PCDHGB1: variants seen among roughly 807,000 people sequenced by gnomAD.
The protein encoded by PCDHGB1 is protocadherin gamma-B1.
Under a neutral mutation model 56.6 loss-of-function variants are expected in PCDHGB1, and 34 were observed. The ratio of observed to expected loss-of-function variants is 0.60; its 90% CI spans 0.46 to 0.80. PCDHGB1 has a LOEUF of 0.80. PCDHGB1 is among the 30% of genes least tolerant of loss of function. PCDHGB1 has a pLI of 0.00. For missense variants in PCDHGB1, 1,278 were observed against 1,204.6 expected (o/e 1.06, Z -0.90); for synonymous variants, 561 against 505.9 (o/e 1.11, Z -1.46).
chr5:141,450,899 A>C (rs1045595271), intron 1 of PCDHGB1, among the ~76,000 whole-genome samples: 1 of 149,514 alleles, frequency 6.7e-6, no homozygotes, highest in Non-Finnish European at 1.5e-5. Context: ...ATATCGGCTC[A>C]CTGCAACCGC....
rs1212478322 is a variant in PCDHGB1 at position 141,485,871 on chromosome 5, T to G, written c.2410-8936T>G. ...ACCGCAGAGCTCCGGGTATCCGTGC[T>G]GGACGTAAACGACAACGCCCCAGCC... On this transcript the variant is annotated intron_variant, in intron 1 of 3. Coordinates refer to ENST00000523390, the MANE Select transcript of PCDHGB1 (RefSeq NM_018922.3). The surrounding 1 kb of genome is among the most constrained non-coding windows in gnomAD (Gnocchi z 5.7). 6.2e-7 allele frequency: 1 copy of G among 1,614,196 alleles called. No homozygotes were observed. The highest frequency in any genetic ancestry group is 8.5e-7 in the Non-Finnish European group (1 of 1,180,032).
At chr5:141,389,387 C>T in intron 1 of PCDHGB1, 1 of 1,613,724 alleles carries the variant, frequency 6.2e-7, no homozygotes, top group Non-Finnish European at 8.5e-7. Context: ...AGCTGTCATC[C>T]TACGTGTCCA....
At chr5:141,408,104 C>A (rs546603908) in intron 1 of PCDHGB1, 5 of 1,441,798 alleles carry the variant, frequency 3.5e-6, no homozygotes, top group Non-Finnish European at 2.7e-6. Flanking sequence ...CTCCGAGACC[C>A]GGGACTCCTC....
chr5:141,371,458 A>G, intron 1 of PCDHGB1: 2 of 1,613,996 alleles, frequency 1.2e-6, no homozygotes. Flanking sequence ...GAATCCCAAC[A>G]TATACAAGAA....
intron 1 of PCDHGB1, chr5:141,478,480 G>C (rs1444434721): frequency 1.9e-6 from 3 of 1,613,564 alleles, no homozygotes; most frequent in South Asian, 2.2e-5. Flanking sequence ...GCCAGAACAC[G>C]CTGCGGAGCT....
intron 1 of PCDHGB1, among the ~76,000 whole-genome samples, chr5:141,488,115 G>A (rs936010936): frequency 1.4e-4 from 21 of 152,298 alleles, no homozygotes; most frequent in Middle Eastern, 3.4e-3. Flanking sequence ...TTGAAACATA[G>A]AGACAGCAGA....
intron 1 of PCDHGB1, chr5:141,409,528 C>T (rs1488294674): frequency 3.1e-6 from 5 of 1,613,882 alleles, no homozygotes; most frequent in Non-Finnish European, 4.2e-6. Context: ...CCTTGTATGT[C>T]GCTGACATCA....
chr5:141,371,897 G>A, intron 1 of PCDHGB1: 1 of 1,613,408 alleles, frequency 6.2e-7, no homozygotes, highest in Non-Finnish European at 8.5e-7. Flanking sequence ...CGCGGGAGCT[G>A]TCGTCCTACG....
Position 141,490,958 on chromosome 5 carries a change from A to T in PCDHGB1, c.2410-3849A>T, listed in dbSNP as rs771797392. 4.6e-5 allele frequency: 74 copies of T among 1,613,610 alleles called. No individual in the cohort carries two copies. The highest frequency in any genetic ancestry group is 1.6e-4 in the Middle Eastern group (1 of 6,084). ...CTGCACCCACGGCCAGACTGGGAAC[A>T]CTCAGCCCCCCAGCGTCTCCCTCGC... On this transcript the variant is annotated intron_variant, in intron 1 of 3. Coordinates refer to ENST00000523390, the MANE Select transcript of PCDHGB1 (RefSeq NM_018922.3). This position sits in a 1 kb window ranked among gnomAD's most constrained non-coding sequence, Gnocchi z 5.4.
rs950537869 is a variant in PCDHGB1, at chr5:141,432,150, A to G, written c.2410-62657A>G. 6.2e-7 allele frequency: 1 copy of G among 1,614,010 alleles called. No homozygotes were observed. On this transcript the variant is annotated intron_variant, in intron 1 of 3. Coordinates refer to ENST00000523390, the MANE Select transcript of PCDHGB1 (RefSeq NM_018922.3). The surrounding 1 kb of genome is among the most constrained non-coding windows in gnomAD (Gnocchi z 6.0). ...TCCTATTCCGCTTATATCCCAGAGA[A>G]CAATCCCAGAGGAGTTTCCCTCGTC...
chr5:141,367,096 G>A (rs1364732092), intron 1 of PCDHGB1: 1 of 251,526 alleles, frequency 4.0e-6, no homozygotes, highest in East Asian at 1.1e-4. Flanking sequence ...TCTCTTTTGA[G>A]TGTCTGCCTA....
rs574950493 is a variant in PCDHGB1 at position 141,375,596 on chromosome 5, G to A, written c.2409+22927G>A. 12 of 1,613,990 alleles carry A rather than the reference G, an allele frequency of 7.4e-6. No individual in the cohort carries two copies. The Admixed American group carries it at 1.2e-4, about 16-fold the overall frequency. On this transcript the variant is annotated intron_variant, in intron 1 of 3. Coordinates refer to ENST00000523390, the MANE Select transcript of PCDHGB1 (RefSeq NM_018922.3). ...CCAGGGGGCGCCCCTGTCCTCCTAC[G>A]TGTCCATCAACTCCGACACTGGGAT...
At position 141,487,688 on chromosome 5, in the gene PCDHGB1, G is replaced by A. The variant is rs376927186; in HGVS notation, c.2410-7119G>A. On this transcript the variant is annotated intron_variant, in intron 1 of 3. Coordinates refer to ENST00000523390, the MANE Select transcript of PCDHGB1 (RefSeq NM_018922.3). The surrounding 1 kb of genome is among the most constrained non-coding windows in gnomAD (Gnocchi z 5.0). ...AGGCATATGGCTAGGCCATGTCCTA[G>A]AGAGTACTGGCCTCTCAGTAAGTGC... 6.2e-7 allele frequency: 1 copy of A among 1,604,966 alleles called. No homozygotes were observed.
At chr5:141,505,302 G>A (rs1733345360) in intron 2 of PCDHGB1, 91 bp from the exon 3 acceptor site, 1 of 1,592,596 alleles carries the variant, frequency 6.3e-7, no homozygotes, top group Admixed American at 1.7e-5. Flanking sequence ...TAGGGTTAGG[G>A]TACTAGGTTT....
chr5:141,511,003 G>T lies in PCDHGB1; in HGVS notation c.2614G>T (p.Ala872Ser), dbSNP rs114669158. ...GGGAGTMGLS[A>S]RYGPQFTLQH... The stretch of plus-strand genomic sequence containing the variant: ...GGGTGCCGGCACCATGGGATTGAGC[G>T]CCCGCTACGGACCCCAGTTCACCCT... Residue 872 changes from alanine to serine, a missense_variant, in exon 4 of 4, where the codon GCC (alanine) becomes TCC (serine). Coordinates refer to ENST00000523390, the MANE Select transcript of PCDHGB1 (RefSeq NM_018922.3). 2 of 1,614,032 alleles carry T rather than the reference G, an allele frequency of 1.2e-6. No individual in the cohort carries two copies. Among genetic ancestry groups the T allele is most frequent in the Non-Finnish European group, 1.7e-6 (2 of 1,180,020 alleles).
At position 141,406,249 on chromosome 5, in the gene PCDHGB1, G is replaced by A. The variant is rs73279090; in HGVS notation, c.2409+53580G>A. Among the ~76,000 whole-genome samples, 1,262 of 152,022 alleles carry A rather than the reference G, an allele frequency of 8.3e-3. 17 individuals are homozygous for A. The highest frequency in any genetic ancestry group is 0.029 in the African/African-American group (1,198 of 41,452). On this transcript the variant is annotated intron_variant, in intron 1 of 3. Coordinates refer to ENST00000523390, the MANE Select transcript of PCDHGB1 (RefSeq NM_018922.3). ...CTAGCAAGCTATGTTGCCCAGACTG[G>A]TCTCAAACGATCTTCCTGCTTCAGT...
At chr5:141,371,684 A>T (rs756152313) in intron 1 of PCDHGB1, 3 of 1,614,050 alleles carry the variant, frequency 1.9e-6, no homozygotes, top group Non-Finnish European at 1.7e-6. Flanking sequence ...AAGGCAATCC[A>T]CCGCTCTCCT....
At chr5:141,389,655 G>A in intron 1 of PCDHGB1, 1 of 1,612,562 alleles carries the variant, frequency 6.2e-7, no homozygotes, top group South Asian at 1.1e-5. Flanking sequence ...CAAGGTAGTG[G>A]CGGTGGACGC....
intron 1 of PCDHGB1, chr5:141,419,682 T>C (rs758536078): frequency 6.2e-7 from 1 of 1,612,950 alleles, no homozygotes; most frequent in Non-Finnish European, 8.5e-7. Flanking sequence ...TCCTACCACG[T>C]GGTGCAGGCC....
Sources: allele counts gnomAD v4.1 joint callset (sites outside exome capture counted in the v4.1 genomes callset), GRCh38; gene constraint gnomAD v4.1.1; non-coding constraint Gnocchi (gnomAD v3.1); transcripts MANE v1.5; gene names NCBI Gene and HGNC (gene_info 2026-07-23, HGNC 2026-07-21).